The following OXCT1 variants were observed in gnomAD, a reference collection of about 807,000 sequenced individuals.
The protein encoded by OXCT1 is succinyl-CoA:3-ketoacid coenzyme A transferase 1, mitochondrial.
OXCT1 carries 27 observed loss-of-function variants against 69.6 expected under a neutral mutation model. The ratio of observed to expected loss-of-function variants is 0.39; its 90% confidence interval spans 0.29 to 0.54. OXCT1 has a LOEUF of 0.54. OXCT1 is among the 20% of genes least tolerant of loss of function. OXCT1 has a pLI of 0.72. For missense variants in OXCT1, 437 were observed against 650.2 expected (o/e 0.67, Z 3.57); for synonymous variants, 202 against 217.8 (o/e 0.93, Z 0.64).
intron 7 of OXCT1, among the ~76,000 whole-genome samples, chr5:41,814,032 G>T (rs1747111899): frequency 6.6e-6 from 1 of 151,992 alleles, no homozygotes; most frequent in Non-Finnish European, 1.5e-5. Flanking sequence ...TAGGGTCACT[G>T]TACAGTTCTA....
chr5:41,793,876 C>G (rs893206019), intron 13 of OXCT1, 127 bp downstream of exon 13: 3 of 679,096 alleles, frequency 4.4e-6, no homozygotes, highest in Non-Finnish European at 7.8e-6. Context: ...AAATTTGATT[C>G]TAGTAAGAAA....
intron 4 of OXCT1, among the ~76,000 whole-genome samples, chr5:41,852,069 G>T (rs777146476): frequency 6.6e-6 from 1 of 152,196 alleles, no homozygotes; most frequent in Non-Finnish European, 1.5e-5. Flanking sequence ...TGCAAGAACC[G>T]TGAGAAGTCG....
intron 14 of OXCT1, among the ~76,000 whole-genome samples, chr5:41,750,135 GT>G (rs11291155): frequency 0.18 from 13,136 of 74,130 alleles, 482 homozygotes; most frequent in Middle Eastern, 0.24. Flanking sequence ...GTGTTTTTTG[GT>G]TTTTTTTTTT....
In OXCT1 at chr5:41,807,534, G is replaced by C; in HGVS notation, c.733-96C>G. 4 of 731,028 alleles carry C rather than the reference G, an allele frequency of 5.5e-6. No homozygotes were observed. In the Middle Eastern group the frequency reaches 1.1e-3, roughly 198 times the overall value. 45.3% of individuals were successfully genotyped at this position (731,028 alleles called of 1,614,324 possible). On this transcript the variant is annotated intron_variant, in intron 7 of 16. Transcript: ENST00000196371. ...ATACACAACTTCACATACAACTTAG[G>C]CTGCAAACATATGACGGAATATGGA... is the stretch of plus-strand genomic sequence containing the variant.
Position 41,870,324 on chromosome 5 carries a change from C to G in OXCT1, c.35G>C (p.Arg12Pro). 1 of 1,613,968 alleles carries G rather than the reference C, an allele frequency of 6.2e-7. No individual in the cohort carries two copies. ...AALKLLSSGL[R>P]LCASARGSGA... ...AGATCCGCGGGCAGAGGCGCAGAGC[C>G]GAAGCCCGGAGGAGAGGAGTTTGAG... Residue 12 changes from arginine to proline, a missense_variant, in exon 1 of 17, where the codon CGG (arginine) becomes CCG (proline). Coordinates refer to ENST00000196371, the MANE Select transcript of OXCT1 (RefSeq NM_000436.4). The surrounding 1 kb of genome is among the most constrained non-coding windows in gnomAD (Gnocchi z 4.2).
chr5:41,835,416 C>T (rs111612374), intron 7 of OXCT1, among the ~76,000 whole-genome samples: 1,659 of 152,290 alleles, frequency 0.011, 19 homozygotes, highest in Non-Finnish European at 0.015. Flanking sequence ...TGAAGCCTGG[C>T]TCTTATAAAT....
chr5:41,831,246 C>T (rs1748080410), intron 7 of OXCT1, among the ~76,000 whole-genome samples: 1 of 152,198 alleles, frequency 6.6e-6, no homozygotes, highest in Non-Finnish European at 1.5e-5. Flanking sequence ...TCCAAACCAC[C>T]AGGGAAGCTC....
At chr5:41,815,062 G>T (rs1371562354) in intron 7 of OXCT1, among the ~76,000 whole-genome samples, 1 of 151,846 alleles carries the variant, frequency 6.6e-6, no homozygotes, top group Admixed American at 6.6e-5. Context: ...AACTCTAGAG[G>T]AAAAGCTTTA....
chr5:41,815,391 C>T (rs1747189464), intron 7 of OXCT1, among the ~76,000 whole-genome samples: 1 of 152,056 alleles, frequency 6.6e-6, no homozygotes, highest in African/African-American at 2.4e-5. Context: ...GTTGCCCAGG[C>T]TTGTCTCAAA....
intron 7 of OXCT1, among the ~76,000 whole-genome samples, chr5:41,813,224 A>C (rs1747072839): frequency 6.6e-6 from 1 of 152,058 alleles, no homozygotes; most frequent in Non-Finnish European, 1.5e-5. Context: ...CAACAAATAC[A>C]AACTAAGCAC....
At chr5:41,842,805 A>G (rs2112408914) in intron 5 of OXCT1, 24 bp from the exon 6 acceptor site, 2 of 1,462,860 alleles carry the variant, frequency 1.4e-6, no homozygotes, top group South Asian at 2.3e-5. Context: ...AGAAGGCATC[A>G]TCAGGTATTT....
chr5:41,733,333 G>A (rs1479287840), intron 16 of OXCT1, among the ~76,000 whole-genome samples: 3 of 147,594 alleles, frequency 2.0e-5, no homozygotes, highest in South Asian at 2.2e-4. Flanking sequence ...CGCAACCTCC[G>A]CCTCCTGGGT....
At chr5:41,851,916 C>T (rs1177404608) in intron 4 of OXCT1, among the ~76,000 whole-genome samples, 9 of 152,104 alleles carry the variant, frequency 5.9e-5, no homozygotes, top group Non-Finnish European at 1.2e-4. Context: ...AATTCCTAGT[C>T]ACCAGTGTGA....
chr5:41,825,150 T>C (rs1181411988), intron 7 of OXCT1, among the ~76,000 whole-genome samples: 1 of 152,222 alleles, frequency 6.6e-6, no homozygotes, highest in African/African-American at 2.4e-5. Context: ...AACCCAAATA[T>C]GTTCTCAGTG....
At chr5:41,779,183 C>T (rs997666869) in intron 13 of OXCT1, among the ~76,000 whole-genome samples, 23 of 152,168 alleles carry the variant, frequency 1.5e-4, no homozygotes, top group Middle Eastern at 3.4e-3. Context: ...TTCAAAATTC[C>T]CCATTACATA....
At chr5:41,794,408 T>G in intron 12 of OXCT1, 1 of 595,682 alleles carries the variant, frequency 1.7e-6, no homozygotes, top group Non-Finnish European at 3.0e-6. Flanking sequence ...AATGTTAGAA[T>G]CCTCAGAAAG....
At chr5:41,869,494 C>T (rs989367767) in intron 1 of OXCT1, among the ~76,000 whole-genome samples, 4 of 152,204 alleles carry the variant, frequency 2.6e-5, no homozygotes, top group African/African-American at 9.7e-5. Flanking sequence ...GGTGGGAATG[C>T]CTCCGGATAC....
At chr5:41,786,573 A>G (rs771172492) in intron 13 of OXCT1, among the ~76,000 whole-genome samples, 9 of 152,226 alleles carry the variant, frequency 5.9e-5, no homozygotes, top group Non-Finnish European at 1.0e-4. Flanking sequence ...TAATGTCTGA[A>G]TGAAGACTGA....
chr5:41,753,183 C>T (rs912634588), intron 14 of OXCT1, among the ~76,000 whole-genome samples: 15 of 152,028 alleles, frequency 9.9e-5, no homozygotes, highest in South Asian at 4.1e-4. Flanking sequence ...TCAATACATT[C>T]ACCTGAAATC....
Sources: allele counts gnomAD v4.1 joint callset (sites outside exome capture counted in the v4.1 genomes callset), GRCh38; gene constraint gnomAD v4.1.1; non-coding constraint Gnocchi (gnomAD v3.1); transcripts MANE v1.5; gene names NCBI Gene and HGNC (gene_info 2026-07-23, HGNC 2026-07-21).